Variants in GALNT14 observed in about 807,000 individuals in gnomAD.
GALNT14 encodes the protein polypeptide N-acetylgalactosaminyltransferase 14.
GALNT14 carries 60 observed loss-of-function variants against 77.5 expected under a neutral mutation model. That is an observed-to-expected ratio of 0.77 (90% CI 0.63 to 0.96). The LOEUF (loss-of-function observed/expected upper bound fraction) is 0.96. Among genes scored for constraint, GALNT14 ranks in the 40% least tolerant of loss-of-function variants. The pLI is 0.00. For missense variants in GALNT14, 710 were observed against 731.0 expected (o/e 0.97, Z 0.33); for synonymous variants, 280 against 281.7 (o/e 0.99, Z 0.06).
the GALNT14 span, among the ~76,000 whole-genome samples, chr2:30,903,341 C>G: frequency 6.6e-6 from 1 of 152,228 alleles, no homozygotes; most frequent in Admixed American, 6.5e-5. Context: ...GACATTAATT[C>G]TTTGAGTGCT....
At chr2:30,972,922 A>G (rs137925057) in intron 2 of GALNT14, among the ~76,000 whole-genome samples, 3 of 152,168 alleles carry the variant, frequency 2.0e-5, no homozygotes, top group Non-Finnish European at 2.9e-5. Flanking sequence ...GTGGGCGAAG[A>G]TGTGACCTCA....
intron 1 of GALNT14, among the ~76,000 whole-genome samples, chr2:31,002,630 T>G (rs897715497): frequency 1.3e-5 from 2 of 152,172 alleles, no homozygotes; most frequent in African/African-American, 4.8e-5. Context: ...GACTATATTT[T>G]TCCAAGGGCC....
At chr2:30,934,896 A>T (rs1255613680) in intron 9 of GALNT14, among the ~76,000 whole-genome samples, 2 of 152,180 alleles carry the variant, frequency 1.3e-5, no homozygotes, top group Admixed American at 6.5e-5. Context: ...TGAGGTATCT[A>T]TTGAGATGGA....
At chr2:30,920,972 G>T (rs1664996540) in intron 13 of GALNT14, among the ~76,000 whole-genome samples, 1 of 152,200 alleles carries the variant, frequency 6.6e-6, no homozygotes, top group African/African-American at 2.4e-5. Context: ...AGAGAGGAGG[G>T]GCATCTCAGT....
chr2:31,027,052 A>G (rs1672101724), intron 1 of GALNT14, among the ~76,000 whole-genome samples: 1 of 152,240 alleles, frequency 6.6e-6, no homozygotes, highest in Admixed American at 6.5e-5. Context: ...CATAATCTAT[A>G]TTAAAACAAA....
intron 13 of GALNT14, among the ~76,000 whole-genome samples, chr2:30,918,369 T>C (rs1189271991): frequency 6.6e-6 from 1 of 152,178 alleles, no homozygotes; most frequent in East Asian, 1.9e-4. Context: ...GCATGTAAAA[T>C]GAGGATGACA....
downstream of GALNT14, among the ~76,000 whole-genome samples, chr2:30,906,979 A>G (rs1391716386): frequency 6.6e-6 from 1 of 152,240 alleles, no homozygotes; most frequent in Non-Finnish European, 1.5e-5. Flanking sequence ...TAATGAAATG[A>G]AGGCCGAAAT....
At chr2:30,942,373 C>T (rs1666428266) in intron 8 of GALNT14, 69 bp from the exon 9 acceptor site, 2 of 1,223,734 alleles carry the variant, frequency 1.6e-6, no homozygotes, top group Non-Finnish European at 1.2e-6. Flanking sequence ...TTCTTCGGCC[C>T]CTTGAGTCTG....
At chr2:31,089,245 T>G (rs1676607325) in intron 1 of GALNT14, among the ~76,000 whole-genome samples, 1 of 152,288 alleles carries the variant, frequency 6.6e-6, no homozygotes, top group East Asian at 1.9e-4. Flanking sequence ...TTGTTTGAAG[T>G]AGGATTTAGG....
intron 1 of GALNT14, among the ~76,000 whole-genome samples, chr2:31,065,949 G>A (rs1242826846): frequency 1.3e-5 from 2 of 152,152 alleles, no homozygotes; most frequent in Admixed American, 1.3e-4. Context: ...ACAGTAACAA[G>A]AGTACAGGCC....
At chr2:30,942,358 T>C (rs900719130) in intron 8 of GALNT14, 54 bp from the exon 9 acceptor site, 2 of 1,381,260 alleles carry the variant, frequency 1.4e-6, no homozygotes, top group African/African-American at 2.8e-5. Flanking sequence ...GAGATCACTC[T>C]CAAATTCTTC....
chr2:31,001,583 G>A (rs939626947), intron 1 of GALNT14, among the ~76,000 whole-genome samples: 5 of 152,048 alleles, frequency 3.3e-5, no homozygotes, highest in Admixed American at 1.3e-4. Context: ...CTCCAATTTA[G>A]GACCCCAGAA....
At chr2:31,027,100 T>C (rs1022706699) in intron 1 of GALNT14, among the ~76,000 whole-genome samples, 7 of 152,188 alleles carry the variant, frequency 4.6e-5, no homozygotes, top group African/African-American at 1.4e-4. Context: ...CCAGGTATGA[T>C]GAGAAACTAG....
intron 9 of GALNT14, among the ~76,000 whole-genome samples, chr2:30,941,505 G>A (rs1666375266): frequency 6.6e-6 from 1 of 152,144 alleles, no homozygotes; most frequent in Admixed American, 6.5e-5. Flanking sequence ...AATACACAAG[G>A]GAAATGAGTA....
At chr2:30,964,823 A>C (rs2148339183) in intron 3 of GALNT14, among the ~76,000 whole-genome samples, 1 of 152,312 alleles carries the variant, frequency 6.6e-6, no homozygotes, top group South Asian at 2.1e-4. Context: ...GCCTTCCCTC[A>C]GGGTGACCCT....
intron 1 of GALNT14, among the ~76,000 whole-genome samples, chr2:31,035,584 T>TGTGTATAC (rs1553363678): frequency 2.9e-5 from 4 of 139,470 alleles, no homozygotes; most frequent in African/African-American, 1.1e-4. Flanking sequence ...TGTGTGTGTG[T>TGTGTATAC]GTATACATAT....
At chr2:30,906,972 T>C (rs1425392230), downstream of GALNT14, among the ~76,000 whole-genome samples, 1 of 152,056 alleles carries the variant, frequency 6.6e-6, no homozygotes, top group Non-Finnish European at 1.5e-5. Flanking sequence ...GGGTACATAA[T>C]GAAATGAAGG....
intron 1 of GALNT14, among the ~76,000 whole-genome samples, chr2:31,115,103 A>T (rs1360261179): frequency 1.3e-5 from 2 of 152,060 alleles, no homozygotes; most frequent in African/African-American, 2.4e-5. Context: ...AAATAAAATT[A>T]GCCAGGCAGA....
intron 2 of GALNT14, among the ~76,000 whole-genome samples, chr2:30,977,582 A>G (rs574709067): frequency 6.6e-6 from 1 of 152,274 alleles, no homozygotes; most frequent in East Asian, 1.9e-4. Context: ...TTTCACCTGA[A>G]AGGGGAAAGT....
Sources: gnomAD v4.1 joint callset for allele counts (sites outside exome capture counted in the v4.1 genomes callset) on GRCh38, gnomAD v4.1.1 for gene constraint, MANE v1.5 for transcripts, NCBI Gene and HGNC (gene_info 2026-07-23, HGNC 2026-07-21) for gene names.